Variants in EP300 observed in about 807,000 individuals in gnomAD.
EP300 encodes the protein EP300 lysine acetyltransferase, also known as histone acetyltransferase p300.
EP300 carries 31 observed loss-of-function variants against 264.0 expected under a neutral mutation model. That is an observed-to-expected ratio of 0.12 (90% CI 0.09 to 0.16). EP300 has a LOEUF of 0.16. EP300 is among the 10% of genes least tolerant of loss of function. The pLI, the probability that EP300 is intolerant of heterozygous loss-of-function variation, is 1.00. For missense variants in EP300, 2,766 were observed against 3,052.9 expected, an observed-to-expected ratio of 0.91 and a Z score of 2.21; for synonymous variants, 1,340 against 1,045.4, an observed-to-expected ratio of 1.28 and a Z score of -5.44.
At position 41,135,858 on chromosome 22, in the gene EP300, C is replaced by G. The variant is rs781470107; in HGVS notation, c.1574C>G (p.Pro525Arg). The change falls in exon 7 of 31, where the codon CCG becomes CGG. Residue 525 changes from proline (P) to arginine (R), a missense_variant. Physicochemically the swap from Pro to Arg is moderately radical, Grantham distance 103. Transcript: ENST00000263253. ...AATGGAGGTGTAGGAGTTCAAACGC[C>G]GAGTCTTCTTTCTGACTCAATGTTG... ...GVNGGVGVQT[P>R]SLLSDSMLHS... The G allele has an allele frequency of 3.1e-6, 5 of 1,613,912 alleles. No homozygotes were observed. In the African/African-American group the frequency reaches 6.7e-5, roughly 22 times the overall value.
At chr22:41,146,368 T>C (rs2059010828) in intron 10 of EP300, among the ~76,000 whole-genome samples, 1 of 152,178 alleles carries the variant, frequency 6.6e-6, no homozygotes, top group Non-Finnish European at 1.5e-5. Flanking sequence ...GGTTTCGCCA[T>C]GTTGGCTAGG....
chr22:41,149,762 C>T lies in EP300; in HGVS notation c.2381C>T (p.Ala794Val). ...PSSGQAPVSQ[A>V]QMSSSSCPVN... ...TTGTTATGTTTTTTATTTTAACAGG[C>T]ACAAATGTCTAGTTCTTCCTGCCCG... The change falls in exon 14 of 31, where the codon GCA (alanine) becomes GTA (valine). Residue 794 changes from alanine (A) to valine (V), a missense_variant and splice_region_variant. Coordinates refer to ENST00000263253, the MANE Select transcript of EP300 (RefSeq NM_001429.4). 6.2e-7 allele frequency: 1 copy of T among 1,614,044 alleles called. No homozygotes were observed. Among genetic ancestry groups the T allele is most frequent in the Non-Finnish European group, 8.5e-7 (1 of 1,179,996 alleles).
chr22:41,167,413 G>A (rs949343687), intron 23 of EP300, among the ~76,000 whole-genome samples: 90 of 151,700 alleles, frequency 5.9e-4, no homozygotes, highest in African/African-American at 2.1e-3. Flanking sequence ...TAATCTAAAT[G>A]TAGTATTTGA....
chr22:41,168,624 C>A (rs769857442), intron 24 of EP300, 25 bp downstream of exon 24: 6 of 1,613,034 alleles, frequency 3.7e-6, no homozygotes, highest in Non-Finnish European at 4.2e-6. Flanking sequence ...CACTTTTCTT[C>A]TCCTCGTGGA....
At position 41,135,849 on chromosome 22, in the gene EP300, T is replaced by C; in HGVS notation, c.1565T>C (p.Val522Ala). The change falls in exon 7 of 31, where the codon GTT (valine) becomes GCT (alanine). Residue 522 changes from valine to alanine, a missense_variant. Transcript: ENST00000263253. ...SPMGVNGGVG[V>A]QTPSLLSDSM... The stretch of plus-strand genomic sequence containing the variant: ...ATGGGAGTAAATGGAGGTGTAGGAG[T>C]TCAAACGCCGAGTCTTCTTTCTGAC... 6.2e-7 allele frequency: 1 copy of C among 1,614,098 alleles called. No homozygotes were observed. Among genetic ancestry groups the C allele is most frequent in the Non-Finnish European group, 8.5e-7 (1 of 1,180,012 alleles).
At position 41,149,136 on chromosome 22, in the gene EP300, C is replaced by T. The variant is rs752268285; in HGVS notation, c.2340C>T (p.Ile780=). 1.2e-6 allele frequency: 2 copies of T among 1,613,640 alleles called. No homozygotes were observed. The highest frequency in any genetic ancestry group is 2.7e-5 in the African/African-American group (2 of 74,890). ...FPSQGMNVTN[I]PLAPSSGQAP... ...CACAGGGAATGAATGTAACAAATAT[C>T]CCTTTGGCTCCGTCCAGCGGTCAAG... The change falls in exon 13 of 31, where the codon ATC becomes ATT. Residue 780 remains isoleucine (I), a synonymous_variant. Transcript: ENST00000263253.
chr22:41,122,157 C>CTTTTTTTTTT (rs71328774), intron 2 of EP300, among the ~76,000 whole-genome samples: 5 of 35,854 alleles, frequency 1.4e-4, no homozygotes, highest in Admixed American at 5.1e-4. Flanking sequence ...TCTTCTTCTT[C>CTTTTTTTTTT]TTTTTTTTTT....
intron 23 of EP300, chr22:41,168,246 G>C (rs1306086023): frequency 1.7e-6 from 1 of 593,574 alleles, no homozygotes; most frequent in African/African-American, 1.9e-5. Flanking sequence ...ATTAAAATTA[G>C]AATGATATGA....
Position 41,117,729 on chromosome 22 carries a change from G to A in EP300, c.637G>A (p.Gly213Arg). Residue 213 changes from glycine (G) to arginine (R), a missense_variant, in exon 2 of 31, where the codon GGA becomes AGA. Transcript: ENST00000263253. ...TATGCAGTACCCAAACCCAGGCATG[G>A]GAAGTGCTGGCAACTTACTGACTGA... The part of the protein sequence containing the change: ...QNMQYPNPGM[G>R]SAGNLLTEPL... The A allele has an allele frequency of 6.2e-7, 1 of 1,614,232 alleles. No individual in the cohort carries two copies. Among genetic ancestry groups the A allele is most frequent in the Non-Finnish European group, 8.5e-7 (1 of 1,180,050 alleles).
chr22:41,109,134 T>C lies in EP300; in HGVS notation c.95-8053T>C, dbSNP rs1426295752. 5.8e-4 allele frequency among the ~76,000 whole-genome samples: 87 copies of C among 151,160 alleles called. No individual in the cohort carries two copies. In the Admixed American group the frequency reaches 5.8e-3, roughly 10 times the overall value. ...CAACAAAATAAAAAATTAGGTGTGG[T>C]GATGTGTGCCTTTGGTGGCAGCTAC... is the stretch of plus-strand genomic sequence containing the variant. On this transcript the variant is annotated intron_variant, in intron 1 of 30. Coordinates refer to ENST00000263253, the MANE Select transcript of EP300 (RefSeq NM_001429.4).
chr22:41,118,986 G>T, intron 2 of EP300, among the ~76,000 whole-genome samples: 1 of 146,500 alleles, frequency 6.8e-6, no homozygotes, highest in East Asian at 2.0e-4. Context: ...CTCCCTTTCT[G>T]CCCCTCACCC....
At position 41,176,645 on chromosome 22, in the gene EP300, A is replaced by AG; in HGVS notation, c.5061+121dup. 2.5e-6 allele frequency: 4 copies of AG among 1,607,844 alleles called. No homozygotes were observed. The South Asian group carries it at 4.4e-5, about 18-fold the overall frequency. On this transcript the variant is annotated intron_variant, in intron 30 of 30. Coordinates refer to ENST00000263253, the MANE Select transcript of EP300 (RefSeq NM_001429.4). ...TGCTAGGGGCTTGGCCTCGTGTTTG[A>AG]GGGGCAGAGCTGAAGAGGCTAGTTT... is the stretch of plus-strand genomic sequence containing the variant.
chr22:41,157,132 A>G lies in EP300; in HGVS notation c.3262-37A>G, dbSNP rs372606716. ...TACTCCATCTCCCGTAAAAATAGTG[A>G]GACTTGAGTAATGTTTGATGTCACT... On this transcript the variant is annotated intron_variant, in intron 17 of 30. Transcript: ENST00000263253. 23 of 1,613,324 alleles carry G rather than the reference A, an allele frequency of 1.4e-5. No individual in the cohort carries two copies. In the African/African-American group the frequency reaches 2.4e-4, roughly 17 times the overall value.
chr22:41,174,438 A>C (rs2059188515), intron 29 of EP300, among the ~76,000 whole-genome samples: 3 of 152,196 alleles, frequency 2.0e-5, no homozygotes, highest in Admixed American at 2.0e-4. Flanking sequence ...AACCTTTCTG[A>C]AAGTGAATTA....
In EP300 at chr22:41,176,838, C is replaced by T. The variant is rs749471861; in HGVS notation, c.5127C>T (p.Gly1709=). The part of the protein sequence containing the change: ...KNHDHKMEKL[G]LGLDDESNNQ... ...ATGACCACAAAATGGAGAAACTAGG[C>T]CTTGGCTTAGATGATGAGAGCAACA... is the stretch of plus-strand genomic sequence containing the variant. The change falls in exon 31 of 31, where the codon GGC becomes GGT. Residue 1709 remains glycine (G), a synonymous_variant. Transcript: ENST00000263253. 6 of 1,614,080 alleles carry T rather than the reference C, an allele frequency of 3.7e-6. No homozygotes were observed. The South Asian group carries it at 6.6e-5, about 18-fold the overall frequency.
At chr22:41,109,680 A>G (rs978466946) in intron 1 of EP300, among the ~76,000 whole-genome samples, 1 of 152,038 alleles carries the variant, frequency 6.6e-6, no homozygotes, top group Non-Finnish European at 1.5e-5. Flanking sequence ...CTTTGCTGTT[A>G]TGCAGAGATG....
intron 23 of EP300, chr22:41,168,118 G>C: frequency 2.8e-6 from 1 of 353,920 alleles, no homozygotes; most frequent in Non-Finnish European, 5.4e-6. Context: ...TACCGCACCC[G>C]GCCCCTGTTC....
rs149425119 is a variant in EP300 at position 41,157,976 on chromosome 22, C to G, written c.3502-436C>G. On this transcript the variant is annotated intron_variant, in intron 18 of 30. Coordinates refer to ENST00000263253, the MANE Select transcript of EP300 (RefSeq NM_001429.4). ...TTAACTCATCTGGAGTAGGGGCATTCTTATATTCACCTGTGGGTGCAGATT... is the reference window on the plus strand; with the variant it reads ...TTAACTCATCTGGAGTAGGGGCATTGTTATATTCACCTGTGGGTGCAGATT... Among the ~76,000 whole-genome samples, 309 of 152,332 alleles carry G rather than the reference C, an allele frequency of 2.0e-3. 3 individuals carry two copies. The Middle Eastern group carries it at 0.024, about 12-fold the overall frequency.
chr22:41,169,349 C>T (rs528628156), intron 25 of EP300, 154 bp from the exon 26 acceptor site: 13 of 658,618 alleles, frequency 2.0e-5, no homozygotes, highest in East Asian at 8.1e-5. Flanking sequence ...GGGTTCACGG[C>T]GGAGTCGCCT....
Sources: allele counts gnomAD v4.1 joint callset (sites outside exome capture counted in the v4.1 genomes callset), GRCh38; gene constraint gnomAD v4.1.1; transcripts MANE v1.5; gene names NCBI Gene and HGNC (gene_info 2026-07-23, HGNC 2026-07-21).